The following FAM120B variants were observed in gnomAD, a reference collection of about 807,000 sequenced individuals.
The protein encoded by FAM120B is family with sequence similarity 120 member B.
Under a neutral mutation model 96.3 loss-of-function variants are expected in FAM120B, and 83 were observed. The ratio of observed to expected loss-of-function variants is 0.86; its 90% CI spans 0.72 to 1.03. The LOEUF (loss-of-function observed/expected upper bound fraction) is 1.03, where lower values mean the gene tolerates loss of function less well. FAM120B is among the 50% of genes least tolerant of loss of function. The pLI is 0.00. For synonymous variants in FAM120B, 407 were observed against 402.7 expected (o/e 1.01, Z -0.13); for missense variants, 1,027 against 1,121.2 (o/e 0.92, Z 1.20).
chr6:170,303,977 T>C (rs1179911485), upstream of FAM120B, among the ~76,000 whole-genome samples: 1 of 152,238 alleles, frequency 6.6e-6, no homozygotes, highest in Admixed American at 6.5e-5. Flanking sequence ...GAAACATCTC[T>C]CCTAGAGGCC....
chr6:170,297,697 A>G (rs1784048177), intron 1 of FAM120B, among the ~76,000 whole-genome samples: 1 of 151,700 alleles, frequency 6.6e-6, no homozygotes, highest in African/African-American at 2.4e-5. Flanking sequence ...CGTGCTGGGG[A>G]GCTGTTGGCC....
At chr6:170,388,558 A>C (rs1009975766) in intron 7 of FAM120B, 65 bp downstream of exon 7, 4 of 1,378,302 alleles carry the variant, frequency 2.9e-6, no homozygotes, top group Middle Eastern at 3.6e-4. Flanking sequence ...CACAAAAAAC[A>C]TGAAGTCGGC....
intron 1 of FAM120B, among the ~76,000 whole-genome samples, chr6:170,316,236 G>A (rs1784893797): frequency 6.6e-6 from 1 of 152,088 alleles, no homozygotes. Context: ...CCACTGTCTG[G>A]CAGCTGGGAA....
intron 8 of FAM120B, among the ~76,000 whole-genome samples, chr6:170,393,348 G>A (rs1790572766): frequency 6.6e-6 from 1 of 152,118 alleles, no homozygotes; most frequent in Non-Finnish European, 1.5e-5. Flanking sequence ...AGGTCCTGCA[G>A]GACAAGTTTA....
intron 8 of FAM120B, among the ~76,000 whole-genome samples, chr6:170,394,336 T>C (rs1790615134): frequency 6.6e-6 from 1 of 152,202 alleles, no homozygotes; most frequent in Non-Finnish European, 1.5e-5. Context: ...TTTGAGGTGA[T>C]GTGATGAGAA....
chr6:170,388,233 C>T (rs1790300721), intron 6 of FAM120B, 54 bp from the exon 7 acceptor site: 1 of 1,492,570 alleles, frequency 6.7e-7, no homozygotes, highest in Non-Finnish European at 9.3e-7. Context: ...AGATCTGTTT[C>T]CTGCATGTGT....
intron 3 of FAM120B, among the ~76,000 whole-genome samples, chr6:170,324,287 C>T (rs1202685203): frequency 1.3e-5 from 2 of 152,140 alleles, no homozygotes; most frequent in Admixed American, 6.5e-5. Context: ...TCCTGTAGCA[C>T]CACCCAGCAT....
intron 9 of FAM120B, among the ~76,000 whole-genome samples, chr6:170,402,691 G>T (rs866634682): frequency 6.6e-6 from 1 of 152,190 alleles, no homozygotes; most frequent in African/African-American, 2.4e-5. Context: ...CCAGGTGTAG[G>T]GTTCCCTTCT....
chr6:170,358,038 G>A (rs529514305), intron 5 of FAM120B, among the ~76,000 whole-genome samples, 188 bp from the exon 6 acceptor site: 9 of 151,722 alleles, frequency 5.9e-5, no homozygotes, highest in South Asian at 4.2e-4. Flanking sequence ...ATGCCTGTGC[G>A]TGTACCCATG....
At chr6:170,296,636 G>A (rs964969578) in intron 1 of FAM120B, among the ~76,000 whole-genome samples, 2 of 151,884 alleles carry the variant, frequency 1.3e-5, no homozygotes. Context: ...GGCCGGGGTC[G>A]GCGGGCGGGG....
At chr6:170,346,875 G>A (rs2115134514) in intron 4 of FAM120B, among the ~76,000 whole-genome samples, 1 of 152,172 alleles carries the variant, frequency 6.6e-6, no homozygotes, top group Middle Eastern at 3.4e-3. Context: ...TGACACTTGT[G>A]GTTGTCTTGG....
Position 170,319,061 on chromosome 6 carries a change from C to T in FAM120B, c.1671C>T (p.Pro557=). The change falls in exon 2 of 11, where the codon CCC becomes CCT. Residue 557 remains proline, a synonymous_variant. Coordinates refer to ENST00000476287, the MANE Select transcript of FAM120B (RefSeq NM_032448.3). ...ACCCTGAAATTAAACAAGAAGACCC[C>T]ACAAATGTGGGGCCTGAAGTAAAGC... ...CTNPEIKQED[P]TNVGPEVKQQ... is the part of the protein sequence containing the mutation. 1 of 1,599,860 alleles carries T rather than the reference C, an allele frequency of 6.3e-7. No homozygotes were observed. Among genetic ancestry groups the T allele is most frequent in the Non-Finnish European group, 8.5e-7 (1 of 1,173,190 alleles).
At chr6:170,383,121 C>G (rs1340779088) in intron 6 of FAM120B, among the ~76,000 whole-genome samples, 1 of 147,698 alleles carries the variant, frequency 6.8e-6, no homozygotes, top group Non-Finnish European at 1.5e-5. Context: ...AAAAAAAGGA[C>G]CTTGTCTTTG....
chr6:170,400,716 A>G (rs1778526953), intron 9 of FAM120B, among the ~76,000 whole-genome samples: 1 of 152,228 alleles, frequency 6.6e-6, no homozygotes, highest in African/African-American at 2.4e-5. Context: ...TATTTATGTC[A>G]AACTATTTTG....
chr6:170,379,103 G>A (rs1008237066), intron 6 of FAM120B, among the ~76,000 whole-genome samples: 7 of 152,206 alleles, frequency 4.6e-5, no homozygotes, highest in African/African-American at 9.6e-5. Flanking sequence ...CTCACCTTTT[G>A]GAAGGATCAG....
chr6:170,391,324 C>T, intron 8 of FAM120B: 1 of 513,592 alleles, frequency 1.9e-6, no homozygotes, highest in Non-Finnish European at 3.6e-6. Context: ...CACTTGAGGT[C>T]AGGAATTCAA....
intron 5 of FAM120B, among the ~76,000 whole-genome samples, chr6:170,357,406 C>G (rs986933989): frequency 1.3e-5 from 2 of 152,138 alleles, no homozygotes; most frequent in African/African-American, 2.4e-5. Flanking sequence ...CTCCTTATCT[C>G]CATCATCTAC....
chr6:170,403,670 T>G (rs1212462926), intron 9 of FAM120B, among the ~76,000 whole-genome samples: 1 of 152,138 alleles, frequency 6.6e-6, no homozygotes, highest in Non-Finnish European at 1.5e-5. Context: ...TCCTTGCTGT[T>G]GCTCAGCCCC....
Position 170,312,013 on chromosome 6 carries a change from C to T in FAM120B, c.-22+5171C>T, listed in dbSNP as rs940908649. On this transcript the variant is annotated intron_variant, in intron 1 of 10. Coordinates refer to ENST00000476287, the MANE Select transcript of FAM120B (RefSeq NM_032448.3). Reference sequence around the variant, plus strand: ...ATATCAGAAATAATCCAGGTGTTCTCCAGCAGAGTTAAAGAACTTACGTCC... The same window carrying T: ...ATATCAGAAATAATCCAGGTGTTCTTCAGCAGAGTTAAAGAACTTACGTCC... Among the ~76,000 whole-genome samples, 3 of 152,288 alleles carry T rather than the reference C, an allele frequency of 2.0e-5. No homozygotes were observed. The South Asian group carries it at 6.2e-4, about 32-fold the overall frequency.
Sources: allele counts gnomAD v4.1 joint callset (sites outside exome capture counted in the v4.1 genomes callset), GRCh38; gene constraint gnomAD v4.1.1; transcripts MANE v1.5; gene names NCBI Gene and HGNC (gene_info 2026-07-23, HGNC 2026-07-21).